Variants in MYO10 observed in about 807,000 individuals in gnomAD.
The protein encoded by MYO10 is unconventional myosin-X.
A neutral mutation model predicts 257.3 loss-of-function variants in MYO10; 133 were observed. That is an observed-to-expected ratio of 0.52 (90% confidence interval 0.45 to 0.60). MYO10 has a LOEUF of 0.60. MYO10 is among the 20% of genes least tolerant of loss of function. MYO10 has a pLI of 0.00. For synonymous variants in MYO10, 1,104 were observed against 1,028.6 expected (o/e 1.07, Z -1.40); for missense variants, 2,399 against 2,635.7 (o/e 0.91, Z 1.97).
chr5:16,765,633 C>T (rs1307131210), intron 11 of MYO10, among the ~76,000 whole-genome samples: 2 of 152,082 alleles, frequency 1.3e-5, no homozygotes, highest in East Asian at 1.9e-4. Flanking sequence ...ACATTATTGT[C>T]GTAAGTAATG....
intron 19 of MYO10, among the ~76,000 whole-genome samples, chr5:16,725,634 C>T (rs1464963744): frequency 6.6e-6 from 1 of 152,176 alleles, no homozygotes; most frequent in Non-Finnish European, 1.5e-5. Context: ...TCTACAATTT[C>T]CAAAGTACTT....
At chr5:16,925,402 G>A (rs928078460) in intron 1 of MYO10, among the ~76,000 whole-genome samples, 7 of 152,138 alleles carry the variant, frequency 4.6e-5, no homozygotes, top group African/African-American at 1.4e-4. Context: ...TGGCCAATAT[G>A]CATTATGGTA....
At chr5:16,870,763 G>C (rs905927187) in intron 2 of MYO10, among the ~76,000 whole-genome samples, 3 of 152,046 alleles carry the variant, frequency 2.0e-5, no homozygotes, top group Admixed American at 1.3e-4. Flanking sequence ...ATGGTGGCAT[G>C]CGCCTGTAAT....
intron 1 of MYO10, among the ~76,000 whole-genome samples, chr5:16,930,791 C>G (rs977389558): frequency 6.6e-6 from 1 of 152,194 alleles, no homozygotes; most frequent in Admixed American, 6.5e-5. Context: ...GAGATCCCAT[C>G]GGAGGGAGCC....
At chr5:16,764,802 C>G (rs1379758044) in intron 11 of MYO10, among the ~76,000 whole-genome samples, 1 of 152,140 alleles carries the variant, frequency 6.6e-6, no homozygotes, top group Non-Finnish European at 1.5e-5. Flanking sequence ...GATTCTCCTG[C>G]TTCAGCCCCC....
intron 19 of MYO10, among the ~76,000 whole-genome samples, chr5:16,735,961 C>G (rs1739780238): frequency 6.6e-6 from 1 of 152,144 alleles, no homozygotes. Flanking sequence ...CATCCACACC[C>G]GCAGATCAGG....
chr5:16,916,795 T>C (rs1208294079), intron 1 of MYO10, among the ~76,000 whole-genome samples: 2 of 152,184 alleles, frequency 1.3e-5, no homozygotes, highest in African/African-American at 2.4e-5. Flanking sequence ...AAAAAAGATA[T>C]GAATTCACTG....
At chr5:16,898,155 A>C (rs1010927027) in intron 1 of MYO10, among the ~76,000 whole-genome samples, 1 of 152,110 alleles carries the variant, frequency 6.6e-6, no homozygotes, top group Admixed American at 6.6e-5. Context: ...CCCAGGGATA[A>C]AGCTTTCGGG....
chr5:16,741,758 G>A (rs1032153516), intron 19 of MYO10: 1 of 967,330 alleles, frequency 1.0e-6, no homozygotes, highest in Non-Finnish European at 1.2e-6. Context: ...ATCATGGCAA[G>A]TTACATGAAA....
At chr5:16,710,854 C>T in intron 21 of MYO10, 54 bp downstream of exon 21, 1 of 1,467,994 alleles carries the variant, frequency 6.8e-7, no homozygotes, top group Non-Finnish European at 9.4e-7. Flanking sequence ...CTGTGAGCAT[C>T]ACCCCGAGAT....
chr5:16,682,719 T>C (rs1273860749), intron 30 of MYO10, among the ~76,000 whole-genome samples: 1 of 151,784 alleles, frequency 6.6e-6, no homozygotes, highest in Non-Finnish European at 1.5e-5. Flanking sequence ...CACAAAAATT[T>C]AAGAAAAAGA....
rs1737124895 is a variant in MYO10, at chr5:16,683,946, AC to A, written c.3991-12del. The A allele has an allele frequency of 1.2e-6, 2 of 1,612,528 alleles. No homozygotes were observed. Among genetic ancestry groups the A allele is most frequent in the African/African-American group, 2.7e-5 (2 of 75,048 alleles). On this transcript the variant is annotated splice_polypyrimidine_tract_variant and intron_variant, in intron 29 of 40. Coordinates refer to ENST00000513610, the MANE Select transcript of MYO10 (RefSeq NM_012334.3). ...CACATCCAAGGTGCCCTGGAAAAGA[AC>A]AAAAAGTAAACAGAATGAGAGAAGC...
At chr5:16,833,252 C>T (rs1347712403) in intron 2 of MYO10, among the ~76,000 whole-genome samples, 3 of 148,490 alleles carry the variant, frequency 2.0e-5, no homozygotes, top group Admixed American at 6.8e-5. Flanking sequence ...CTTACTCTGT[C>T]GCCCAGGCTG....
At chr5:16,685,961 A>C in intron 28 of MYO10, 130 bp from the exon 29 acceptor site, 1 of 675,560 alleles carries the variant, frequency 1.5e-6, no homozygotes, top group Non-Finnish European at 2.6e-6. Context: ...ATTACTTCTT[A>C]GGGGTAAATG....
In MYO10 at chr5:16,742,271, G is replaced by A. The variant is rs547533354; in HGVS notation, c.1929+12557C>T. The A allele has an allele frequency of 1.9e-3, 1,873 of 982,094 alleles. 1 individual carries two copies. Among genetic ancestry groups the A allele is most frequent in the South Asian group, 2.5e-3 (52 of 21,214 alleles). The allele number at this position is 982,094 out of a possible 1,614,324, so 60.8% of individuals were successfully genotyped here. A position where few individuals can be genotyped will look rare whatever the true frequency, so the allele number is the denominator to read the frequency against. On this transcript the variant is annotated intron_variant, in intron 19 of 40. Transcript: ENST00000513610. ...GCTGCAATTTATCCTGATCTCTACA[G>A]AGCTCTGATGAATAGTTTCCATGAC...
chr5:16,846,331 C>T (rs1195066874), intron 2 of MYO10, among the ~76,000 whole-genome samples: 1 of 152,168 alleles, frequency 6.6e-6, no homozygotes, highest in African/African-American at 2.4e-5. Flanking sequence ...CTTGAAGTCA[C>T]TCAAGGATGA....
chr5:16,778,925 C>T (rs1238611356), intron 9 of MYO10, among the ~76,000 whole-genome samples: 4 of 152,146 alleles, frequency 2.6e-5, no homozygotes, highest in East Asian at 1.9e-4. Context: ...CTCCTGACCT[C>T]GTGATCTGCC....
chr5:16,865,923 T>C (rs2080089322), intron 2 of MYO10, among the ~76,000 whole-genome samples: 1 of 151,860 alleles, frequency 6.6e-6, no homozygotes, highest in Admixed American at 6.6e-5. Flanking sequence ...AATGGTGTGA[T>C]AACACGACAT....
chr5:16,878,458 T>C (rs1744665119), intron 1 of MYO10, among the ~76,000 whole-genome samples: 1 of 152,236 alleles, frequency 6.6e-6, no homozygotes, highest in Non-Finnish European at 1.5e-5. Context: ...GCACATTTTT[T>C]GGCATTGATC....
Sources: gnomAD v4.1 joint callset for allele counts (sites outside exome capture counted in the v4.1 genomes callset) on GRCh38, gnomAD v4.1.1 for gene constraint, MANE v1.5 for transcripts, NCBI Gene and HGNC (gene_info 2026-07-23, HGNC 2026-07-21) for gene names.